The following CYP2C19 variants were observed in gnomAD, a reference collection of about 807,000 sequenced individuals.
The protein encoded by CYP2C19 is cytochrome P450 family 2 subfamily C member 19.
A neutral mutation model predicts 40.9 loss-of-function variants in CYP2C19; 59 were observed. That is an observed-to-expected ratio of 1.44 (90% CI 1.17 to 1.79). The LOEUF is 1.79. Ranked by LOEUF, CYP2C19 falls within the 40% of genes most tolerant of loss-of-function variation. The pLI is 0.00. For missense variants in CYP2C19, 754 were observed against 596.9 expected (o/e 1.26, Z -2.74); for synonymous variants, 253 against 208.7 (o/e 1.21, Z -1.83).
intron 5 of CYP2C19, among the ~76,000 whole-genome samples, chr10:94,791,085 T>C (rs1411110373): frequency 1.3e-5 from 2 of 152,104 alleles, no homozygotes; most frequent in African/African-American, 4.8e-5. Flanking sequence ...TTCTTCCTGG[T>C]TTAGTCTTGG....
At chr10:94,828,273 T>C (rs1188845605) in intron 6 of CYP2C19, among the ~76,000 whole-genome samples, 1 of 151,352 alleles carries the variant, frequency 6.6e-6, no homozygotes, top group Non-Finnish European at 1.5e-5. Context: ...TGTTAAAGTC[T>C]CCCATTATTA....
At chr10:94,818,137 T>C (rs1849041712) in intron 5 of CYP2C19, among the ~76,000 whole-genome samples, 1 of 149,688 alleles carries the variant, frequency 6.7e-6, no homozygotes, top group Non-Finnish European at 1.5e-5. Context: ...CACCATTTAT[T>C]AAATAGGGAA....
In CYP2C19 at chr10:94,831,076, T is replaced by C. The variant is rs192954314; in HGVS notation, c.961+10439T>C. Among the ~76,000 whole-genome samples, 239 of 152,320 alleles carry C rather than the reference T, an allele frequency of 1.6e-3. 1 individual carries two copies. The highest frequency in any genetic ancestry group is 2.7e-3 in the Non-Finnish European group (186 of 68,014). On this transcript the variant is annotated intron_variant, in intron 6 of 8. Transcript: ENST00000371321. ...GCCATCCTTCTACACTTTATGTCCA[T>C]TAGTTAAATTCTTTTTATTTTAGAT...
chr10:94,800,114 T>C (rs1450338889), intron 5 of CYP2C19, among the ~76,000 whole-genome samples: 1 of 152,216 alleles, frequency 6.6e-6, no homozygotes, highest in African/African-American at 2.4e-5. Context: ...GCTTTTCTGC[T>C]CTGGTCTCTC....
rs917744994 is a variant in CYP2C19, at chr10:94,852,919, G to T, written c.*5G>T. ...CTGTGCTTCATTCCTGTCTGAAGAA[G>T]CACAGATGGTCTGGCTGCTCCTGTG... On this transcript the variant is annotated 3_prime_UTR_variant, in exon 9 of 9. Transcript: ENST00000371321. The T allele has an allele frequency of 6.2e-7, 1 of 1,613,732 alleles. No individual in the cohort carries two copies. Among genetic ancestry groups the T allele is most frequent in the Non-Finnish European group, 8.5e-7 (1 of 1,179,870 alleles).
In CYP2C19 at chr10:94,775,194, T is replaced by C. The variant is rs372985779; in HGVS notation, c.305T>C (p.Leu102Pro). Residue 102 changes from leucine (L) to proline (P), a missense_variant, in exon 2 of 9, where the codon CTG (leucine) becomes CCG (proline). By Grantham distance (98) the Leu-to-Pro change is moderately conservative. Transcript: ENST00000371321. Reference protein sequence around the residue: ...EEFSGRGHFPLAERANRGFGI... With the variant: ...EEFSGRGHFPPAERANRGFGI... The stretch of plus-strand genomic sequence containing the variant: ...TTTTCTGGAAGAGGCCATTTCCCAC[T>C]GGCTGAAAGAGCTAACAGAGGATTT... 10 of 1,613,996 alleles carry C rather than the reference T, an allele frequency of 6.2e-6. No individual in the cohort carries two copies. In the Admixed American group the frequency reaches 6.7e-5, roughly 11 times the overall value.
In CYP2C19 at chr10:94,825,817, C is replaced by A. The variant is rs1165552454; in HGVS notation, c.961+5180C>A. 2.1e-5 allele frequency among the ~76,000 whole-genome samples: 3 copies of A among 143,496 alleles called. No homozygotes were observed. The East Asian group carries it at 6.1e-4, about 29-fold the overall frequency. The allele number at this position is 143,496 out of a possible 152,430, so 94.1% of individuals were successfully genotyped here. The stretch of plus-strand genomic sequence containing the variant: ...TCTAACGTTTAAGTCTTTAATCCAT[C>A]TTGAATTGATTTTTGTATAAGGTGT... On this transcript the variant is annotated intron_variant, in intron 6 of 8. Transcript: ENST00000371321.
At chr10:94,815,244 A>G (rs964075698) in intron 5 of CYP2C19, among the ~76,000 whole-genome samples, 50 of 151,934 alleles carry the variant, frequency 3.3e-4, no homozygotes, top group African/African-American at 1.2e-3. Flanking sequence ...TGATGTTACC[A>G]AGGGAGAGGA....
chr10:94,827,171 C>T (rs1023215168), intron 6 of CYP2C19, among the ~76,000 whole-genome samples: 5 of 151,542 alleles, frequency 3.3e-5, no homozygotes, highest in Non-Finnish European at 7.4e-5. Flanking sequence ...ATGATGCTGG[C>T]CTCATAAAAT....
Position 94,775,503 on chromosome 10 carries a change from G to A in CYP2C19, c.445G>A (p.Ala149Thr), listed in dbSNP as rs778852756. ...RSIEDRVQEE[A>T]RCLVEELRKT... ...CATTGAGGACCGTGTTCAAGAGGAA[G>A]CCCGCTGCCTTGTGGAGGAGTTGAG... is the stretch of plus-strand genomic sequence containing the variant. Residue 149 changes from alanine to threonine, a missense_variant, in exon 3 of 9, where the codon GCC (alanine) becomes ACC (threonine). Coordinates refer to ENST00000371321, the MANE Select transcript of CYP2C19 (RefSeq NM_000769.4). The A allele has an allele frequency of 4.3e-6, 7 of 1,614,030 alleles. No individual in the cohort carries two copies. In the East Asian group the frequency reaches 1.1e-4, roughly 26 times the overall value.
At chr10:94,822,684 C>T (rs569015298) in intron 6 of CYP2C19, among the ~76,000 whole-genome samples, 1 of 152,276 alleles carries the variant, frequency 6.6e-6, no homozygotes, top group South Asian at 2.1e-4. Context: ...TTTGCATACC[C>T]ACCAGCAGTG....
chr10:94,807,400 G>T (rs1183878655), intron 5 of CYP2C19, among the ~76,000 whole-genome samples: 1 of 151,988 alleles, frequency 6.6e-6, no homozygotes, highest in Non-Finnish European at 1.5e-5. Context: ...TTTTCATCTG[G>T]TTATATACCC....
chr10:94,820,303 T>G (rs1849093331), intron 5 of CYP2C19, among the ~76,000 whole-genome samples, 193 bp from the exon 6 acceptor site: 4 of 152,038 alleles, frequency 2.6e-5, no homozygotes, highest in Admixed American at 2.6e-4. Context: ...GGGCAAAAAC[T>G]GGAAGCATTC....
At chr10:94,770,098 C>G (rs962983084) in intron 1 of CYP2C19, among the ~76,000 whole-genome samples, 2 of 152,132 alleles carry the variant, frequency 1.3e-5, no homozygotes, top group African/African-American at 4.8e-5. Flanking sequence ...GAGAAGGCCA[C>G]ACCAGTGTCC....
chr10:94,845,733 T>C (rs1380514967), intron 7 of CYP2C19, among the ~76,000 whole-genome samples: 1 of 152,306 alleles, frequency 6.6e-6, no homozygotes, highest in East Asian at 1.9e-4. Context: ...TCTGCTTTGG[T>C]ATCTTAAAAA....
At chr10:94,811,158 C>A (rs1031154920) in intron 5 of CYP2C19, among the ~76,000 whole-genome samples, 1 of 152,168 alleles carries the variant, frequency 6.6e-6, no homozygotes, top group African/African-American at 2.4e-5. Flanking sequence ...TCATTCAGAG[C>A]AGGTTGTTCA....
chr10:94,833,236 T>A (rs1196366022), intron 6 of CYP2C19, among the ~76,000 whole-genome samples: 1 of 152,220 alleles, frequency 6.6e-6, no homozygotes, highest in Non-Finnish European at 1.5e-5. Context: ...CTTTCTAATG[T>A]GGATAGCCTT....
Position 94,842,315 on chromosome 10 carries a change from C to CT in CYP2C19, c.962-514dup, listed in dbSNP as rs540232530. 9.5e-4 allele frequency among the ~76,000 whole-genome samples: 140 copies of CT among 147,276 alleles called. 1 individual carries two copies. The highest frequency in any genetic ancestry group is 2.2e-3 in the East Asian group (11 of 4,986). On this transcript the variant is annotated intron_variant, in intron 6 of 8. Coordinates refer to ENST00000371321, the MANE Select transcript of CYP2C19 (RefSeq NM_000769.4). ...TGCTTTAAATATAATAACTCTTCCT[C>CT]TTTTTTTTATTTCCTTTGGAATGTA...
At chr10:94,797,670 C>A (rs1479921268) in intron 5 of CYP2C19, among the ~76,000 whole-genome samples, 8 of 151,888 alleles carry the variant, frequency 5.3e-5, no homozygotes, top group African/African-American at 1.9e-4. Context: ...ATTTCATAGC[C>A]TGTTATTAAT....
Sources: gnomAD v4.1 joint callset for allele counts (sites outside exome capture counted in the v4.1 genomes callset) on GRCh38, gnomAD v4.1.1 for gene constraint, MANE v1.5 for transcripts, NCBI Gene and HGNC (gene_info 2026-07-23, HGNC 2026-07-21) for gene names.